Variants in VOPP1 observed in about 807,000 individuals in gnomAD.
VOPP1 encodes WW domain binding protein VOPP1.
Under a neutral mutation model 23.5 loss-of-function variants are expected in VOPP1, and 8 were observed. The observed-to-expected ratio is 0.34, with a 90% CI of 0.20 to 0.61. The LOEUF is 0.61. VOPP1 is among the 20% of genes least tolerant of loss of function. The probability of loss-of-function intolerance (pLI) is 0.78; values close to 1 mark genes in which losing one functional copy is unlikely to be tolerated. For synonymous variants in VOPP1, 83 were observed against 97.3 expected (o/e 0.85, Z 0.86); for missense variants, 174 against 238.1 (o/e 0.73, Z 1.77).
chr7:55,476,879 T>C (rs1162444491), intron 4 of VOPP1, among the ~76,000 whole-genome samples: 1 of 152,196 alleles, frequency 6.6e-6, no homozygotes, highest in East Asian at 1.9e-4. Flanking sequence ...GGGCCTGCTA[T>C]GATGGGCTCC....
intron 1 of VOPP1, among the ~76,000 whole-genome samples, chr7:55,544,236 C>G (rs973633748): frequency 2.2e-4 from 33 of 152,196 alleles, no homozygotes; most frequent in African/African-American, 7.5e-4. Flanking sequence ...ATGTGTGGCC[C>G]AGCATGCTTC....
At chr7:55,489,828 C>T (rs575671732) in intron 4 of VOPP1, among the ~76,000 whole-genome samples, 1 of 152,156 alleles carries the variant, frequency 6.6e-6, no homozygotes, top group Admixed American at 6.5e-5. Flanking sequence ...TACACAGCCC[C>T]GTGGGGAGCC....
At chr7:55,549,313 G>A (rs200779801) in intron 1 of VOPP1, among the ~76,000 whole-genome samples, 2 of 152,122 alleles carry the variant, frequency 1.3e-5, no homozygotes, top group East Asian at 1.9e-4. Context: ...CTTCTCTCAG[G>A]GCAAGTGGCC....
chr7:55,518,178 T>TA (rs1795594308), intron 2 of VOPP1, among the ~76,000 whole-genome samples: 1 of 152,064 alleles, frequency 6.6e-6, no homozygotes, highest in Non-Finnish European at 1.5e-5. Flanking sequence ...AGTCACGTCT[T>TA]ACAGAGGAAG....
chr7:55,460,519 T>C (rs1791472860), intron 4 of VOPP1, among the ~76,000 whole-genome samples: 1 of 152,348 alleles, frequency 6.6e-6, no homozygotes, highest in East Asian at 1.9e-4. Context: ...CCAACTATTA[T>C]TGTATTGAAG....
chr7:55,507,558 G>A (rs534686645), intron 2 of VOPP1, among the ~76,000 whole-genome samples: 20 of 152,282 alleles, frequency 1.3e-4, no homozygotes, highest in Middle Eastern at 3.4e-3. Context: ...AATATTGTAC[G>A]TCTGCGAGAA....
At chr7:55,553,551 C>T (rs1797696580) in intron 1 of VOPP1, among the ~76,000 whole-genome samples, 2 of 152,008 alleles carry the variant, frequency 1.3e-5, no homozygotes, top group South Asian at 2.1e-4. Flanking sequence ...CTTAACGAAA[C>T]CAATGATACA....
At chr7:55,497,394 C>T (rs1245296540) in intron 3 of VOPP1, among the ~76,000 whole-genome samples, 1 of 152,228 alleles carries the variant, frequency 6.6e-6, no homozygotes, top group Non-Finnish European at 1.5e-5. Flanking sequence ...CTTCTTCCCA[C>T]TCCAAAATCC....
chr7:55,496,643 C>T (rs79655676), intron 3 of VOPP1, among the ~76,000 whole-genome samples: 1 of 152,182 alleles, frequency 6.6e-6, no homozygotes, highest in Non-Finnish European at 1.5e-5. Context: ...AGAACATCCT[C>T]GTCACCCAAC....
At chr7:55,520,933 C>G (rs1280251708) in intron 2 of VOPP1, 139 bp downstream of exon 2, 26 of 829,652 alleles carry the variant, frequency 3.1e-5, no homozygotes, top group Non-Finnish European at 4.8e-5. Flanking sequence ...GCTCATCCCC[C>G]AGTGAGGCAA....
chr7:55,566,894 A>G (rs1439841927), intron 1 of VOPP1, among the ~76,000 whole-genome samples: 1 of 152,242 alleles, frequency 6.6e-6, no homozygotes, highest in East Asian at 1.9e-4. Flanking sequence ...ACAAAATGGG[A>G]CCACACAGCT....
rs1299869398 is a variant in VOPP1, at chr7:55,540,442, T to TAAATAAAA, written c.55-19313_55-19312insTTTTATTT. ...ATAAATAAATAAATAAATAAATAAA[T>TAAATAAAA]AAAAATAAATGAACTCCCATTCCGT... On this transcript the variant is annotated intron_variant, in intron 1 of 4. Coordinates refer to ENST00000285279, the MANE Select transcript of VOPP1 (RefSeq NM_030796.5). 2.5e-3 allele frequency among the ~76,000 whole-genome samples: 341 copies of TAAATAAAA among 136,052 alleles called. 1 individual carries two copies. The highest frequency in any genetic ancestry group is 4.1e-3 in the Non-Finnish European group (261 of 62,950). The allele number at this position is 136,052 out of a possible 152,430, so 89.3% of individuals were successfully genotyped here. A position where few individuals can be genotyped will look rare whatever the true frequency, so the allele number is the denominator to read the frequency against.
chr7:55,438,667 C>A (rs903530726), intron 4 of VOPP1, among the ~76,000 whole-genome samples: 1 of 152,158 alleles, frequency 6.6e-6, no homozygotes, highest in African/African-American at 2.4e-5. Flanking sequence ...GGCACAGAGG[C>A]TTTGAAGGCC....
intron 1 of VOPP1, among the ~76,000 whole-genome samples, chr7:55,540,941 A>G (rs1272474404): frequency 6.6e-6 from 1 of 152,262 alleles, no homozygotes; most frequent in African/African-American, 2.4e-5. Flanking sequence ...ATGAGAAAAA[A>G]ATACATAAAG....
At chr7:55,480,200 G>A (rs1176183113) in intron 4 of VOPP1, among the ~76,000 whole-genome samples, 3 of 152,124 alleles carry the variant, frequency 2.0e-5, no homozygotes. Flanking sequence ...TTTCTTAAAA[G>A]TTTCAAAAAA....
At chr7:55,480,275 C>A (rs1792605385) in intron 4 of VOPP1, among the ~76,000 whole-genome samples, 1 of 152,180 alleles carries the variant, frequency 6.6e-6, no homozygotes, top group Non-Finnish European at 1.5e-5. Flanking sequence ...CTCTTGCTTG[C>A]TTTTTGAGTT....
At chr7:55,457,539 T>C (rs1025069311) in intron 4 of VOPP1, among the ~76,000 whole-genome samples, 3 of 152,158 alleles carry the variant, frequency 2.0e-5, no homozygotes, top group African/African-American at 7.2e-5. Flanking sequence ...ACCTCTATAC[T>C]GTTTTCCATA....
intron 4 of VOPP1, among the ~76,000 whole-genome samples, chr7:55,453,473 T>C (rs181351167): frequency 9.2e-5 from 14 of 152,334 alleles, no homozygotes; most frequent in Non-Finnish European, 1.3e-4. Context: ...TGAACACTTA[T>C]AGGCCATTGT....
chr7:55,525,660 G>T (rs1461131146), intron 1 of VOPP1, among the ~76,000 whole-genome samples: 3 of 151,810 alleles, frequency 2.0e-5, no homozygotes, highest in Non-Finnish European at 2.9e-5. Flanking sequence ...TTCATCTTAC[G>T]TGGTACTCGA....
Sources: allele counts gnomAD v4.1 joint callset (sites outside exome capture counted in the v4.1 genomes callset), GRCh38; gene constraint gnomAD v4.1.1; transcripts MANE v1.5; gene names NCBI Gene and HGNC (gene_info 2026-07-23, HGNC 2026-07-21).